Variants in LRP1B observed in about 807,000 individuals in gnomAD.
LRP1B encodes LDL receptor related protein 1B.
In LRP1B, 217 loss-of-function variants were observed where a neutral mutation model predicts 556.6. The observed-to-expected ratio is 0.39, with a 90% CI of 0.35 to 0.44. The LOEUF is 0.44. Among genes scored for constraint, LRP1B ranks in the 20% least tolerant of loss-of-function variants. The probability of loss-of-function intolerance (pLI) is 1.00; values close to 1 mark genes in which losing one functional copy is unlikely to be tolerated. For synonymous variants in LRP1B, 2,047 were observed against 1,865.8 expected, an observed-to-expected ratio of 1.10 and a Z score of -2.50; for missense variants, 5,053 against 5,620.8, an observed-to-expected ratio of 0.90 and a Z score of 3.23.
chr2:140,725,627 A>G (rs1687568038), intron 35 of LRP1B, among the ~76,000 whole-genome samples: 1 of 151,966 alleles, frequency 6.6e-6, no homozygotes, highest in Non-Finnish European at 1.5e-5. Flanking sequence ...TGACATATGT[A>G]TACATATGTA....
At chr2:141,124,848 A>G (rs1325489514) in intron 7 of LRP1B, among the ~76,000 whole-genome samples, 1 of 152,054 alleles carries the variant, frequency 6.6e-6, no homozygotes, top group East Asian at 1.9e-4. Flanking sequence ...GTATATGCAT[A>G]TCTTGAGAGA....
intron 3 of LRP1B, among the ~76,000 whole-genome samples, chr2:141,436,531 C>T (rs75258754): frequency 0.036 from 5,477 of 151,758 alleles, 304 homozygotes; most frequent in African/African-American, 0.12. Context: ...GAGACCTTTC[C>T]GTGACTGGGT....
chr2:140,912,391 A>T (rs1694445408), intron 21 of LRP1B, among the ~76,000 whole-genome samples: 1 of 151,666 alleles, frequency 6.6e-6, no homozygotes. Flanking sequence ...TTCTTTATAT[A>T]TAAGAAATAA....
At chr2:141,101,941 G>A (rs181222081) in intron 7 of LRP1B, among the ~76,000 whole-genome samples, 95 of 152,246 alleles carry the variant, frequency 6.2e-4, no homozygotes, top group Middle Eastern at 3.4e-3. Flanking sequence ...GACTTTAAAT[G>A]CATTTCACTG....
intron 2 of LRP1B, among the ~76,000 whole-genome samples, chr2:141,763,340 T>C (rs1011572333): frequency 8.5e-5 from 13 of 152,130 alleles, no homozygotes; most frequent in Non-Finnish European, 1.5e-4. Flanking sequence ...CTCAAACCTA[T>C]ACTAAGAAAT....
chr2:140,510,406 AAAT>A (rs1689601828), intron 51 of LRP1B, among the ~76,000 whole-genome samples: 1 of 152,264 alleles, frequency 6.6e-6, no homozygotes, highest in South Asian at 2.1e-4. Context: ...ATAGTAATTG[AAAT>A]AATGCCATTT....
intron 2 of LRP1B, among the ~76,000 whole-genome samples, chr2:141,712,015 A>G (rs1236588906): frequency 6.6e-6 from 1 of 151,974 alleles, no homozygotes; most frequent in Non-Finnish European, 1.5e-5. Flanking sequence ...AATGAGCCCT[A>G]ATTAGCTCCC....
chr2:141,264,030 A>G (rs555008744), intron 3 of LRP1B, among the ~76,000 whole-genome samples: 2 of 152,322 alleles, frequency 1.3e-5, no homozygotes, highest in Admixed American at 1.3e-4. Context: ...ACATGTCACA[A>G]CAGAAGTAGG....
intron 37 of LRP1B, among the ~76,000 whole-genome samples, chr2:140,711,019 G>C (rs527591160): frequency 6.6e-6 from 1 of 152,136 alleles, no homozygotes; most frequent in South Asian, 2.1e-4. Flanking sequence ...ACAAATTAAG[G>C]TTGGTAAAAT....
intron 66 of LRP1B, among the ~76,000 whole-genome samples, chr2:140,400,958 T>A (rs536065816): frequency 1.3e-5 from 2 of 152,290 alleles, no homozygotes; most frequent in Non-Finnish European, 2.9e-5. Flanking sequence ...CAGTGGGAAG[T>A]GCCTTGGCGG....
At chr2:141,423,850 C>A (rs67427799) in intron 3 of LRP1B, among the ~76,000 whole-genome samples, 22,522 of 151,012 alleles carry the variant, frequency 0.15, 1,898 homozygotes, top group South Asian at 0.27. Flanking sequence ...TACATTTACA[C>A]ACATAGTTTA....
At chr2:140,780,975 C>T (rs1689677898) in intron 32 of LRP1B, among the ~76,000 whole-genome samples, 1 of 152,122 alleles carries the variant, frequency 6.6e-6, no homozygotes, top group African/African-American at 2.4e-5. Context: ...TTGTGGCTCC[C>T]TAGACAGTAG....
intron 33 of LRP1B, among the ~76,000 whole-genome samples, chr2:140,774,965 G>A (rs182057400): frequency 0.011 from 1,654 of 152,180 alleles, 15 homozygotes; most frequent in Non-Finnish European, 0.015. Flanking sequence ...GTGCACATAC[G>A]TTCTGTATAT....
chr2:140,491,018 A>G (rs1388274880), intron 57 of LRP1B, among the ~76,000 whole-genome samples: 3 of 152,152 alleles, frequency 2.0e-5, no homozygotes, highest in African/African-American at 7.2e-5. Context: ...TTTTTAAAAA[A>G]AGAGCATTAA....
At chr2:140,983,583 T>C (rs1696836128) in intron 17 of LRP1B, among the ~76,000 whole-genome samples, 1 of 152,128 alleles carries the variant, frequency 6.6e-6, no homozygotes, top group African/African-American at 2.4e-5. Context: ...ATATACATTG[T>C]TCTATCCTTT....
At chr2:140,496,932 T>TATTA (rs1302887772) in intron 55 of LRP1B, among the ~76,000 whole-genome samples, 2 of 143,562 alleles carry the variant, frequency 1.4e-5, no homozygotes, top group East Asian at 3.9e-4. Flanking sequence ...TTTATTTATT[T>TATTA]ATTATCAGAT....
chr2:141,261,575 C>A (rs1684686495), intron 3 of LRP1B, among the ~76,000 whole-genome samples: 1 of 152,016 alleles, frequency 6.6e-6, no homozygotes, highest in Admixed American at 6.6e-5. Context: ...ATGGTTTTGT[C>A]TTTTCCAGTA....
intron 66 of LRP1B, among the ~76,000 whole-genome samples, chr2:140,422,953 A>G (rs72898263): frequency 0.16 from 23,977 of 152,184 alleles, 2,270 homozygotes; most frequent in Non-Finnish European, 0.22. Flanking sequence ...ATGGTTAGTG[A>G]TCACTTTCCA....
chr2:141,809,847 C>T (rs1489045732), intron 2 of LRP1B, among the ~76,000 whole-genome samples: 1 of 151,776 alleles, frequency 6.6e-6, no homozygotes, highest in East Asian at 1.9e-4. Context: ...TTCAATATTC[C>T]TTCTGTCTCA....
Sources: gnomAD v4.1 joint callset for allele counts (sites outside exome capture counted in the v4.1 genomes callset) on GRCh38, gnomAD v4.1.1 for gene constraint, MANE v1.5 for transcripts, NCBI Gene and HGNC (gene_info 2026-07-23, HGNC 2026-07-21) for gene names.